STK32B: variants seen among roughly 807,000 people sequenced by gnomAD.
STK32B encodes the protein serine/threonine kinase 32B, also known as serine/threonine-protein kinase 32B.
A neutral mutation model predicts 52.6 loss-of-function variants in STK32B; 43 were observed. The ratio of observed to expected loss-of-function variants is 0.82; its 90% CI spans 0.64 to 1.05. The LOEUF is 1.05. STK32B is among the 50% of genes least tolerant of loss of function. The probability of loss-of-function intolerance (pLI) is 0.00; values close to 1 mark genes in which losing one functional copy is unlikely to be tolerated. For synonymous variants in STK32B, 238 were observed against 204.3 expected, an observed-to-expected ratio of 1.17 and a Z score of -1.41; for missense variants, 621 against 534.6, an observed-to-expected ratio of 1.16 and a Z score of -1.59.
intron 6 of STK32B, among the ~76,000 whole-genome samples, chr4:5,445,206 G>A (rs950687341): frequency 2.6e-5 from 4 of 152,224 alleles, no homozygotes; most frequent in South Asian, 2.1e-4. Flanking sequence ...GGAGAATATC[G>A]CCAGGGGGCA....
chr4:5,316,938 A>G lies in STK32B; in HGVS notation c.261-14282A>G, dbSNP rs527297003. On this transcript the variant is annotated intron_variant, in intron 3 of 11. Transcript: ENST00000282908. Reference sequence around the variant, plus strand: ...ATGATATAATATATATAATATATATAATATATAATATGTATGATATAATAT... The same window carrying G: ...ATGATATAATATATATAATATATATGATATATAATATGTATGATATAATAT... 1.8e-4 allele frequency among the ~76,000 whole-genome samples: 2 copies of G among 11,266 alleles called. 1 individual carries two copies. The highest frequency in any genetic ancestry group is 2.2e-3 in the African/African-American group (2 of 910). The allele number at this position is 11,266 out of a possible 152,430, so 7.4% of individuals were successfully genotyped here. A position where few individuals can be genotyped will look rare whatever the true frequency, so the allele number is the denominator to read the frequency against.
At chr4:5,100,551 C>T (rs114216252) in intron 1 of STK32B, among the ~76,000 whole-genome samples, 3,872 of 138,562 alleles carry the variant, frequency 0.028, 165 homozygotes, top group African/African-American at 0.099. Flanking sequence ...TTCCTCCTTT[C>T]CTCCTTCCTT....
At chr4:5,425,008 G>A (rs867263873) in intron 6 of STK32B, among the ~76,000 whole-genome samples, 11 of 152,324 alleles carry the variant, frequency 7.2e-5, no homozygotes, top group Middle Eastern at 3.4e-3. Context: ...TGGTCCAGAC[G>A]CAGCCTTGGA....
chr4:5,414,321 A>G (rs1380151080), intron 5 of STK32B, among the ~76,000 whole-genome samples: 1 of 150,578 alleles, frequency 6.6e-6, no homozygotes, highest in Non-Finnish European at 1.5e-5. Flanking sequence ...ATATATTTTT[A>G]TACTATGTAA....
chr4:5,166,337 T>C (rs1011544776), intron 2 of STK32B, among the ~76,000 whole-genome samples: 6 of 151,656 alleles, frequency 4.0e-5, no homozygotes, highest in African/African-American at 1.5e-4. Context: ...TTCCTCTCTC[T>C]GTGAAGCGGG....
intron 3 of STK32B, among the ~76,000 whole-genome samples, chr4:5,203,207 A>G (rs546577224): frequency 6.6e-6 from 1 of 152,356 alleles, no homozygotes; most frequent in East Asian, 1.9e-4. Flanking sequence ...GCTTAACAAA[A>G]GAGCATCCCC....
At chr4:5,481,785 T>C (rs946544779) in intron 11 of STK32B, among the ~76,000 whole-genome samples, 2 of 152,220 alleles carry the variant, frequency 1.3e-5, no homozygotes, top group Admixed American at 1.3e-4. Flanking sequence ...AGGGATCCAG[T>C]TTCGGCTTTC....
chr4:5,444,804 C>A (rs1387115598), intron 6 of STK32B, among the ~76,000 whole-genome samples: 2 of 152,176 alleles, frequency 1.3e-5, no homozygotes, highest in African/African-American at 2.4e-5. Context: ...ACATTCTACA[C>A]AACTGAGGCA....
rs538224085 is a variant in STK32B at position 5,170,598 on chromosome 4, T to G, written c.260+2148T>G. Among the ~76,000 whole-genome samples, 68 of 152,146 alleles carry G rather than the reference T, an allele frequency of 4.5e-4. 1 individual carries two copies. The highest frequency in any genetic ancestry group is 7.9e-4 in the Non-Finnish European group (54 of 68,032). On this transcript the variant is annotated intron_variant, in intron 3 of 11. Transcript: ENST00000282908. The stretch of plus-strand genomic sequence containing the variant: ...CCTCGTGATAGTTTGCTGAGAATGA[T>G]GGTTTCCAGCTTCATCCATGTCCCT...
chr4:5,447,059 G>T (rs970376877), intron 7 of STK32B: 10 of 292,386 alleles, frequency 3.4e-5, no homozygotes, highest in African/African-American at 1.9e-4. Context: ...AAGCGCCTTG[G>T]CCTCGTGGTT....
intron 2 of STK32B, among the ~76,000 whole-genome samples, chr4:5,155,287 T>C (rs141134565): frequency 5.2e-4 from 79 of 152,328 alleles, no homozygotes; most frequent in African/African-American, 1.8e-3. Flanking sequence ...TTATAGCACC[T>C]ATAAACTACC....
intron 11 of STK32B, among the ~76,000 whole-genome samples, chr4:5,498,332 A>G (rs1027422225): frequency 6.6e-6 from 1 of 152,208 alleles, no homozygotes; most frequent in Admixed American, 6.5e-5. Context: ...AGGAAATGCA[A>G]TGTTCGGAAT....
Position 5,392,308 on chromosome 4 carries a change from C to T in STK32B, c.435-5899C>T, listed in dbSNP as rs550634108. ...AGGTGTGGTGGTGCACGCCTGTAAT[C>T]CCAGCTACTTGGGAAGCTGAGGCAT... On this transcript the variant is annotated intron_variant, in intron 4 of 11. Transcript: ENST00000282908. 2.6e-5 allele frequency among the ~76,000 whole-genome samples: 4 copies of T among 152,172 alleles called. 1 individual carries two copies. In the South Asian group the frequency reaches 8.3e-4, roughly 32 times the overall value.
chr4:5,110,837 G>T (rs1318018622), intron 1 of STK32B, among the ~76,000 whole-genome samples: 1 of 151,936 alleles, frequency 6.6e-6, no homozygotes, highest in Non-Finnish European at 1.5e-5. Context: ...CCTACAGAAT[G>T]GGAGAAAATA....
chr4:5,107,127 C>A (rs570676078), intron 1 of STK32B, among the ~76,000 whole-genome samples: 1 of 152,114 alleles, frequency 6.6e-6, no homozygotes, highest in Non-Finnish European at 1.5e-5. Context: ...ACATTAGCTC[C>A]GGCATTAGAT....
chr4:5,205,225 T>C (rs1371376992), intron 3 of STK32B, among the ~76,000 whole-genome samples: 3 of 151,942 alleles, frequency 2.0e-5, no homozygotes, highest in Non-Finnish European at 2.9e-5. Context: ...CTGGGACTTA[T>C]GTCGTTGCCT....
intron 7 of STK32B, among the ~76,000 whole-genome samples, chr4:5,455,032 C>T (rs16837270): frequency 0.057 from 8,611 of 152,220 alleles, 464 homozygotes; most frequent in African/African-American, 0.14. Flanking sequence ...GACAGGTCCT[C>T]ACTCAATTAA....
chr4:5,448,875 T>C (rs1047323691), intron 7 of STK32B, among the ~76,000 whole-genome samples: 1 of 152,210 alleles, frequency 6.6e-6, no homozygotes, highest in Non-Finnish European at 1.5e-5. Flanking sequence ...TCTCTGTTTT[T>C]CATACTGGAA....
intron 7 of STK32B, among the ~76,000 whole-genome samples, chr4:5,451,842 G>A (rs1716029802): frequency 6.6e-6 from 1 of 152,182 alleles, no homozygotes; most frequent in African/African-American, 2.4e-5. Flanking sequence ...GAACAACCAG[G>A]AGGACTAAGT....
Sources: allele counts gnomAD v4.1 joint callset (sites outside exome capture counted in the v4.1 genomes callset), GRCh38; gene constraint gnomAD v4.1.1; transcripts MANE v1.5; gene names NCBI Gene and HGNC (gene_info 2026-07-23, HGNC 2026-07-21).